MTHFD2L: variants seen among roughly 807,000 people sequenced by gnomAD.
MTHFD2L encodes methylenetetrahydrofolate dehydrogenase (NADP+ dependent) 2 like.
Under a neutral mutation model 34.9 loss-of-function variants are expected in MTHFD2L, and 29 were observed. The ratio of observed to expected loss-of-function variants is 0.83; its 90% CI spans 0.62 to 1.13. The LOEUF is 1.13. Among genes scored for constraint, MTHFD2L ranks in the 50% most tolerant of loss-of-function variants. The pLI is 0.00. For missense variants in MTHFD2L, 481 were observed against 446.5 expected (o/e 1.08, Z -0.70); for synonymous variants, 167 against 155.7 (o/e 1.07, Z -0.54).
intron 5 of MTHFD2L, among the ~76,000 whole-genome samples, chr4:74,209,080 T>C (rs1037140295): frequency 2.6e-5 from 4 of 152,074 alleles, no homozygotes; most frequent in Non-Finnish European, 4.4e-5. Context: ...TTAGAAAACA[T>C]GTATCAAAAC....
In MTHFD2L at chr4:74,141,149, C is replaced by T. The variant is rs189882256; in HGVS notation, c.-297+15632C>T. 1.4e-3 allele frequency among the ~76,000 whole-genome samples: 215 copies of T among 152,200 alleles called. 1 individual carries two copies. Among genetic ancestry groups the T allele is most frequent in the African/African-American group, 4.8e-3 (201 of 41,544 alleles). On this transcript the variant is annotated intron_variant, in intron 1 of 7. Coordinates refer to the MTHFD2L transcript ENST00000433372. ...TTCATTATGTGACAAATTTTCTCAT[C>T]TTATTAGGGTAGTTTACTGGTGCTC...
chr4:74,189,487 T>C (rs1160037596), intron 3 of MTHFD2L, among the ~76,000 whole-genome samples: 2,274 of 12,210 alleles, frequency 0.19, 56 homozygotes, highest in Non-Finnish European at 0.31. Flanking sequence ...TTTTCTTCCT[T>C]TTTTTTTTTT....
intron 3 of MTHFD2L, among the ~76,000 whole-genome samples, chr4:74,180,246 T>A (rs1290892010): frequency 6.6e-6 from 1 of 152,096 alleles, no homozygotes; most frequent in Non-Finnish European, 1.5e-5. Context: ...ACAGAATAAA[T>A]GGAGCTCATT....
At chr4:74,140,537 T>C in intron 1 of MTHFD2L, 1 of 977,194 alleles carries the variant, frequency 1.0e-6, no homozygotes, top group Non-Finnish European at 1.2e-6. Flanking sequence ...ACCTTTTTCA[T>C]GTTGTGCATT....
chr4:74,230,909 C>G (rs955578660), intron 6 of MTHFD2L, among the ~76,000 whole-genome samples: 4 of 152,050 alleles, frequency 2.6e-5, no homozygotes, highest in African/African-American at 9.7e-5. Flanking sequence ...AGACATTGTC[C>G]ACATTACCCT....
At chr4:74,155,124 G>T (rs143229448), upstream of MTHFD2L, among the ~76,000 whole-genome samples, 439 of 152,230 alleles carry the variant, frequency 2.9e-3, 1 homozygote, top group African/African-American at 9.8e-3. Flanking sequence ...CTAGAGCACA[G>T]TGCCTATGTG....
At chr4:74,244,088 G>A (rs1201399379) in intron 6 of MTHFD2L, among the ~76,000 whole-genome samples, 2 of 152,210 alleles carry the variant, frequency 1.3e-5, no homozygotes, top group African/African-American at 2.4e-5. Context: ...AATGAAGAGT[G>A]AAGTCATTTG....
intron 6 of MTHFD2L, among the ~76,000 whole-genome samples, chr4:74,265,136 A>G (rs1471115936): frequency 1.2e-4 from 19 of 152,132 alleles, no homozygotes; most frequent in Admixed American, 1.2e-3. Context: ...AACAATAGTC[A>G]TCATTATTCT....
At chr4:74,280,487 A>G (rs527816211) in intron 6 of MTHFD2L, 2 of 152,246 alleles carry the variant, frequency 1.3e-5, no homozygotes, top group African/African-American at 4.8e-5. Context: ...AGATGACTCT[A>G]GCTTCAGACA....
Position 74,291,800 on chromosome 4 carries a change from C to T in MTHFD2L, c.932-9897C>T, listed in dbSNP as rs866908489. ...TTTTAACTGTATCATTTTTACAAAA[C>T]TATTATTAATCTGTGATTACAAAGA... is the stretch of plus-strand genomic sequence containing the variant. On this transcript the variant is annotated intron_variant, in intron 7 of 7. Coordinates refer to ENST00000325278, the MANE Select transcript of MTHFD2L (RefSeq NM_001144978.3). 3.5e-4 allele frequency among the ~76,000 whole-genome samples: 54 copies of T among 152,170 alleles called. 1 individual carries two copies. Among genetic ancestry groups the T allele is most frequent in the African/African-American group, 1.2e-3 (50 of 41,448 alleles).
At chr4:74,145,432 C>T (rs1366699767) in intron 1 of MTHFD2L, among the ~76,000 whole-genome samples, 3 of 152,120 alleles carry the variant, frequency 2.0e-5, no homozygotes, top group Non-Finnish European at 4.4e-5. Flanking sequence ...TGGTATCTGT[C>T]GGGGAGGCAG....
intron 1 of MTHFD2L, among the ~76,000 whole-genome samples, chr4:74,137,243 A>G (rs891640483): frequency 6.6e-6 from 1 of 152,218 alleles, no homozygotes; most frequent in Admixed American, 6.5e-5. Flanking sequence ...ACTAGAGTAT[A>G]TAGAAATCTC....
chr4:74,253,100 A>G (rs900684437), intron 6 of MTHFD2L, among the ~76,000 whole-genome samples: 2 of 152,154 alleles, frequency 1.3e-5, no homozygotes, highest in Non-Finnish European at 2.9e-5. Flanking sequence ...TTAGAATTTT[A>G]CACCCAGCTA....
At chr4:74,162,867 T>C (rs1351756098) in intron 1 of MTHFD2L, among the ~76,000 whole-genome samples, 2 of 152,252 alleles carry the variant, frequency 1.3e-5, no homozygotes, top group Non-Finnish European at 2.9e-5. Flanking sequence ...TATTGACTTA[T>C]CTTACTTTTT....
chr4:74,260,643 G>C (rs1744559995), intron 6 of MTHFD2L, among the ~76,000 whole-genome samples: 1 of 151,854 alleles, frequency 6.6e-6, no homozygotes, highest in Non-Finnish European at 1.5e-5. Context: ...TGTGAAGTGT[G>C]ATTCATGAGA....
intron 3 of MTHFD2L, among the ~76,000 whole-genome samples, chr4:74,176,318 G>A (rs1056839327): frequency 1.6e-4 from 24 of 152,076 alleles, no homozygotes; most frequent in Admixed American, 2.6e-4. Context: ...TGTTTATCAG[G>A]CTTTTTCAAC....
chr4:74,197,734 C>A (rs1019809912), intron 3 of MTHFD2L, among the ~76,000 whole-genome samples: 9 of 152,056 alleles, frequency 5.9e-5, no homozygotes, highest in African/African-American at 2.2e-4. Flanking sequence ...TCATACCTTT[C>A]CTACTTTTAT....
chr4:74,188,163 ATGAAT>A (rs1361385892), intron 3 of MTHFD2L, among the ~76,000 whole-genome samples: 1 of 152,240 alleles, frequency 6.6e-6, no homozygotes, highest in East Asian at 1.9e-4. Flanking sequence ...ATGAAAACTA[ATGAAT>A]TGACAGCATA....
chr4:74,175,419 C>G lies in MTHFD2L; in HGVS notation c.451+16C>G. On this transcript the variant is annotated intron_variant, in intron 3 of 7. Transcript: ENST00000325278. The stretch of plus-strand genomic sequence containing the variant: ...CCACTACCAGGTACATAATGCTCCT[C>G]TTATTTATCTGATTTTGTTAAAAGT... 6.3e-7 allele frequency: 1 copy of G among 1,591,240 alleles called. No individual in the cohort carries two copies. Among genetic ancestry groups the G allele is most frequent in the Non-Finnish European group, 8.5e-7 (1 of 1,171,488 alleles).
Sources: gnomAD v4.1 joint callset for allele counts (sites outside exome capture counted in the v4.1 genomes callset) on GRCh38, gnomAD v4.1.1 for gene constraint, MANE v1.5 for transcripts, NCBI Gene and HGNC (gene_info 2026-07-23, HGNC 2026-07-21) for gene names.